The following GPM6B variants were observed in gnomAD, a reference collection of about 807,000 sequenced individuals.
GPM6B encodes neuronal membrane glycoprotein M6-b.
Under a neutral mutation model 27.2 loss-of-function variants are expected in GPM6B, and 4 were observed. The observed-to-expected ratio is 0.15, with a 90% CI of 0.07 to 0.34. The LOEUF (loss-of-function observed/expected upper bound fraction) is 0.34, where lower values mean the gene tolerates loss of function less well. GPM6B is among the 10% of genes least tolerant of loss of function. The pLI, the probability that GPM6B is intolerant of heterozygous loss-of-function variation, is 1.00. For missense variants in GPM6B, 183 were observed against 261.9 expected, an observed-to-expected ratio of 0.70 and a Z score of 2.08; for synonymous variants, 124 against 103.1, an observed-to-expected ratio of 1.20 and a Z score of -1.23.
chrX:13,863,801 T>A (rs2049879038), intron 1 of GPM6B, among the ~76,000 whole-genome samples: 1 of 112,233 alleles, frequency 8.9e-6, no homozygotes, highest in Non-Finnish European at 1.9e-5. Context: ...AAAGGAAAGG[T>A]CTTTGGCAAA....
intron 1 of GPM6B, among the ~76,000 whole-genome samples, chrX:13,836,903 C>T (rs753932683): frequency 7.2e-5 from 8 of 111,236 alleles, no homozygotes; most frequent in Non-Finnish European, 1.3e-4. Flanking sequence ...GGAGTGCTCA[C>T]GAGGAACAAA....
chrX:13,865,099 G>C (rs1325497608), intron 1 of GPM6B, among the ~76,000 whole-genome samples: 3 of 111,366 alleles, frequency 2.7e-5, no homozygotes, highest in Non-Finnish European at 5.7e-5. Flanking sequence ...ACACCATGGA[G>C]AGTGAAACCG....
intron 1 of GPM6B, among the ~76,000 whole-genome samples, chrX:13,895,258 C>G (rs1420643999): frequency 9.0e-6 from 1 of 111,364 alleles, no homozygotes; most frequent in Non-Finnish European, 1.9e-5. Flanking sequence ...ACCCGTAAAT[C>G]TAATTTTTGC....
In GPM6B at chrX:13,845,497, T is replaced by C. The variant is rs2049634809; in HGVS notation, c.-197-59689A>G. On this transcript the variant is annotated intron_variant, in intron 1 of 6. Coordinates refer to the GPM6B transcript ENST00000398361. ...AGAGATGATAGATTTTATTTTTCTA[T>C]GCAAGAATGAGTTGAGAGTGAAAAT... Among the ~76,000 whole-genome samples the C allele has an allele frequency of 5.3e-5, 6 of 112,471 alleles. No homozygotes were observed. In the Admixed American group the frequency reaches 5.7e-4, roughly 11 times the overall value.
chrX:13,837,576 CT>C (rs1019112323), intron 1 of GPM6B, among the ~76,000 whole-genome samples: 1 of 111,522 alleles, frequency 9.0e-6, no homozygotes, highest in African/African-American at 3.3e-5. Flanking sequence ...ACCTTCTCCT[CT>C]CTTTATCATC....
intron 1 of GPM6B, among the ~76,000 whole-genome samples, chrX:13,822,429 A>ACG (rs2049320064): frequency 9.1e-6 from 1 of 110,001 alleles, no homozygotes; most frequent in Non-Finnish European, 1.9e-5. Context: ...ACAGTGGTGC[A>ACG]ATCTCGGCTC....
intron 1 of GPM6B, among the ~76,000 whole-genome samples, chrX:13,905,477 C>G (rs1260559412): frequency 1.8e-5 from 2 of 110,816 alleles, no homozygotes; most frequent in Non-Finnish European, 3.8e-5. Context: ...TGTAAAATGC[C>G]AAACTCGCCC....
chrX:13,935,353 A>AAAAAC (rs1921782228), intron 1 of GPM6B, among the ~76,000 whole-genome samples: 1 of 104,974 alleles, frequency 9.5e-6, no homozygotes, highest in East Asian at 3.0e-4. Flanking sequence ...AAAAAAAAAA[A>AAAAAC]AAAACTGTAA....
intron 1 of GPM6B, among the ~76,000 whole-genome samples, chrX:13,932,248 A>G (rs1921608354): frequency 9.0e-6 from 1 of 110,941 alleles, no homozygotes; most frequent in African/African-American, 3.3e-5. Flanking sequence ...GCTTTTACAC[A>G]TTTGTATCCA....
At chrX:13,906,572 T>C in intron 1 of GPM6B, among the ~76,000 whole-genome samples, 1 of 112,459 alleles carries the variant, frequency 8.9e-6, no homozygotes, top group South Asian at 3.6e-4. Flanking sequence ...TTAAACTCAA[T>C]GGATGTACTC....
At chrX:13,814,155 C>A (rs1332288975) in intron 1 of GPM6B, among the ~76,000 whole-genome samples, 1 of 112,199 alleles carries the variant, frequency 8.9e-6, no homozygotes, top group Non-Finnish European at 1.9e-5. Context: ...CAGGAAAGAT[C>A]CCAACTAGAA....
intron 2 of GPM6B, among the ~76,000 whole-genome samples, chrX:13,806,648 A>C (rs1017797519): frequency 2.7e-5 from 3 of 112,463 alleles, no homozygotes; most frequent in African/African-American, 9.7e-5. Context: ...AGGTTTTATT[A>C]ATCATGGATT....
At chrX:13,931,115 C>T (rs1306578710) in intron 1 of GPM6B, among the ~76,000 whole-genome samples, 5 of 111,578 alleles carry the variant, frequency 4.5e-5, no homozygotes, top group Admixed American at 3.8e-4. Flanking sequence ...ACCCAAGAGG[C>T]TGAGGTTGCA....
At chrX:13,825,689 A>G (rs1159762826) in intron 1 of GPM6B, among the ~76,000 whole-genome samples, 2 of 112,917 alleles carry the variant, frequency 1.8e-5, no homozygotes, top group East Asian at 5.5e-4. Context: ...GAGGTGAAGA[A>G]GAGGAAGCAG....
At chrX:13,850,521 AT>A (rs1276596312) in intron 1 of GPM6B, among the ~76,000 whole-genome samples, 1 of 112,714 alleles carries the variant, frequency 8.9e-6, no homozygotes, top group Non-Finnish European at 1.9e-5. Context: ...TTTGAACAGC[AT>A]GTTTGTCTCT....
intron 1 of GPM6B, among the ~76,000 whole-genome samples, chrX:13,906,164 C>T (rs1208639644): frequency 8.9e-6 from 1 of 112,386 alleles, no homozygotes; most frequent in Non-Finnish European, 1.9e-5. Context: ...TCTTCACCCC[C>T]TTTCACTGGG....
At chrX:13,843,507 G>C (rs1344672877) in intron 1 of GPM6B, among the ~76,000 whole-genome samples, 1 of 112,055 alleles carries the variant, frequency 8.9e-6, no homozygotes, top group Non-Finnish European at 1.9e-5. Flanking sequence ...TTAACCATTA[G>C]AGAAACTGCC....
rs1021814235 is a variant in GPM6B at position 13,913,992 on chromosome X, T to C, written c.-198+24335A>G. ...GTCCCGAACTCCTGGGCTCAAGAGATCTGCCCACTTCGGCCTCCCAAAGTG... is the reference window on the plus strand; with the variant it reads ...GTCCCGAACTCCTGGGCTCAAGAGACCTGCCCACTTCGGCCTCCCAAAGTG... On this transcript the variant is annotated intron_variant, in intron 1 of 6. Transcript: ENST00000398361. Among the ~76,000 whole-genome samples, 13 of 111,320 alleles carry C rather than the reference T, an allele frequency of 1.2e-4. No individual in the cohort carries two copies. In the East Asian group the frequency reaches 2.8e-3, roughly 24 times the overall value.
chrX:13,934,503 A>G (rs1004936718), intron 1 of GPM6B, among the ~76,000 whole-genome samples: 1 of 111,655 alleles, frequency 9.0e-6, no homozygotes, highest in Non-Finnish European at 1.9e-5. Context: ...GGAGAAGCCA[A>G]AGCTGGAAGT....
Sources: allele counts gnomAD v4.1 joint callset (sites outside exome capture counted in the v4.1 genomes callset), GRCh38; gene constraint gnomAD v4.1.1; transcripts MANE v1.5; gene names NCBI Gene and HGNC (gene_info 2026-07-23, HGNC 2026-07-21).